The following TTLL8 variants were observed in gnomAD, a reference collection of about 807,000 sequenced individuals.
The protein encoded by TTLL8 is protein monoglycylase TTLL8.
Under a neutral mutation model 77.8 loss-of-function variants are expected in TTLL8, and 65 were observed. The ratio of observed to expected loss-of-function variants is 0.84; its 90% CI spans 0.68 to 1.03. The LOEUF (loss-of-function observed/expected upper bound fraction) is 1.03, where lower values mean the gene tolerates loss of function less well. Among genes scored for constraint, TTLL8 ranks in the 50% least tolerant of loss-of-function variants. The pLI, the probability that TTLL8 is intolerant of heterozygous loss-of-function variation, is 0.00. For missense variants in TTLL8, 910 were observed against 1,004.5 expected, an observed-to-expected ratio of 0.91 and a Z score of 1.27; for synonymous variants, 402 against 422.8, an observed-to-expected ratio of 0.95 and a Z score of 0.60.
At chr22:50,030,236 C>T in intron 12 of TTLL8, 194 bp downstream of exon 13, 1 of 985,362 alleles carries the variant, frequency 1.0e-6, no homozygotes, top group Admixed American at 6.1e-5. Flanking sequence ...CCGAGACCCC[C>T]GTGCCGGGCT....
chr22:50,047,082 C>G, intron 4 of TTLL8, 86 bp downstream of exon 6: 1 of 1,300,442 alleles, frequency 7.7e-7, no homozygotes, highest in African/African-American at 1.5e-5. Flanking sequence ...GGCCACTGAC[C>G]AGCCACCGAG....
upstream of TTLL8, chr22:50,056,909 C>T (rs187721673): frequency 2.8e-5 from 36 of 1,289,726 alleles, no homozygotes; most frequent in Non-Finnish European, 3.3e-5. The surrounding 1 kb of genome is among the most constrained non-coding windows in gnomAD (Gnocchi z 4.1). Context: ...AAGAAGCCAA[C>T]GATAGCCCCT....
In TTLL8 at chr22:50,041,618, T is replaced by C. The variant is rs375679808; in HGVS notation, c.830+3A>G. 1.3e-4 allele frequency: 170 copies of C among 1,352,276 alleles called. No homozygotes were observed. The highest frequency in any genetic ancestry group is 1.6e-4 in the Non-Finnish European group (161 of 1,014,264). The allele number at this position is 1,352,276 out of a possible 1,614,324, so 83.8% of individuals were successfully genotyped here. The stretch of plus-strand genomic sequence containing the variant: ...ATGTGCCAGGGGCCTGCGTAAGTCT[T>C]ACTGAACGAGGGAGTAGTACTGCTG... On this transcript the variant is annotated splice_donor_region_variant and intron_variant, in intron 7 of 13. Coordinates refer to ENST00000266182, the Ensembl canonical transcript of TTLL8. This position sits in a 1 kb window ranked among gnomAD's most constrained non-coding sequence, Gnocchi z 4.3.
At chr22:50,045,899 G>T (rs2146685306) in exon 5 of TTLL8, 1 of 1,361,440 alleles carries the variant, frequency 7.3e-7, no homozygotes, top group East Asian at 4.6e-5. Context: ...GGCTGTAGCA[G>T]CGTGGGAAGA....
intron 1 of TTLL8, among the ~76,000 whole-genome samples, chr22:50,052,015 TCCCAGCA>T (rs2061446328): frequency 6.6e-6 from 1 of 151,856 alleles, no homozygotes; most frequent in Non-Finnish European, 1.5e-5. Flanking sequence ...TGAGTCTGAG[TCCCAGCA>T]CCCATACGAG....
At chr22:50,031,936 G>A in exon 11 of TTLL8, 1 of 1,366,956 alleles carries the variant, frequency 7.3e-7, no homozygotes. Flanking sequence ...GTGGGCGATG[G>A]CCTTCTTCAT....
chr22:50,039,458 G>A (rs1178607838), intron 8 of TTLL8, among the ~76,000 whole-genome samples: 6 of 152,162 alleles, frequency 3.9e-5, no homozygotes, highest in African/African-American at 1.4e-4. Flanking sequence ...TTCTAAATTT[G>A]AGGAAAAATT....
chr22:50,019,560 GTGAGGACACTCAGCCC>G (rs2061183236), intron 12 of TTLL8, among the ~76,000 whole-genome samples: 1 of 151,932 alleles, frequency 6.6e-6, no homozygotes, highest in Non-Finnish European at 1.5e-5. Flanking sequence ...CTGCCATGTT[GTGAGGACACTCAGCCC>G]TGTGGAAGGT....
intron 5 of TTLL8, 38 bp from the exon 8 acceptor site, chr22:50,045,427 C>T: frequency 7.4e-7 from 1 of 1,357,864 alleles, no homozygotes; most frequent in Non-Finnish European, 9.8e-7. Flanking sequence ...TCTGTCCGAG[C>T]CAGGACTGGG....
At chr22:50,051,016 A>T (rs1281003710) in intron 1 of TTLL8, among the ~76,000 whole-genome samples, 1 of 152,116 alleles carries the variant, frequency 6.6e-6, no homozygotes, top group Admixed American at 6.5e-5. Context: ...CTACACCACC[A>T]GGCCTGGCTA....
intron 12 of TTLL8, among the ~76,000 whole-genome samples, chr22:50,019,200 C>T (rs1267345808): frequency 6.6e-6 from 1 of 152,080 alleles, no homozygotes; most frequent in African/African-American, 2.4e-5. Flanking sequence ...ACACCAGAAA[C>T]AGAGTCTGTA....
In TTLL8 at chr22:50,030,429, C is replaced by T; in HGVS notation, c.2203+1G>A. 7.5e-7 allele frequency: 1 copy of T among 1,328,792 alleles called. No individual in the cohort carries two copies. Among genetic ancestry groups the T allele is most frequent in the Non-Finnish European group, 9.9e-7 (1 of 1,011,388 alleles). The allele number at this position is 1,328,792 out of a possible 1,614,324, so 82.3% of individuals were successfully genotyped here. A position where few individuals can be genotyped will look rare whatever the true frequency, so the allele number is the denominator to read the frequency against. On this transcript the variant is annotated splice_donor_variant, in intron 12 of 13. Coordinates refer to ENST00000266182, the Ensembl canonical transcript of TTLL8. LOFTEE classifies it high-confidence loss of function. ...AGCGCACCGCCGGCGGCGCAGGTTA[C>T]CTTTTCCTCCGGGCGGCGGACGCAG...
At chr22:50,030,739 G>A (rs1431322407) in exon 12 of TTLL8, 9 of 1,326,768 alleles carry the variant, frequency 6.8e-6, no homozygotes, top group Non-Finnish European at 9.0e-6. Context: ...TGGAGAGCTG[G>A]TGATGGGGGT....
intron 8 of TTLL8, among the ~76,000 whole-genome samples, chr22:50,039,932 CGGACCTCAT>C (rs1396565696): frequency 6.8e-6 from 1 of 146,468 alleles, no homozygotes; most frequent in African/African-American, 2.6e-5. Context: ...ACGGACCTCA[CGGACCTCAT>C]GTGTGCCAGC....
At chr22:50,036,570 C>T (rs1383196276) in intron 8 of TTLL8, among the ~76,000 whole-genome samples, 1 of 151,606 alleles carries the variant, frequency 6.6e-6, no homozygotes, top group Non-Finnish European at 1.5e-5. Flanking sequence ...ACAATTGGTG[C>T]TCCTTTGTGT....
chr22:50,047,354 T>G, intron 3 of TTLL8, 58 bp from the exon 6 acceptor site: 1 of 1,337,556 alleles, frequency 7.5e-7, no homozygotes, highest in Non-Finnish European at 1.0e-6. Context: ...CCAGCCAGGA[T>G]GGGATGGAGT....
intron 12 of TTLL8, among the ~76,000 whole-genome samples, chr22:50,028,930 AC>A (rs59303373): frequency 5.5e-4 from 9 of 16,392 alleles, no homozygotes; most frequent in Admixed American, 1.7e-3. Flanking sequence ...CGTCCTGAAG[AC>A]CCCCACACAC....
At chr22:50,022,058 T>G (rs1031496095) in intron 12 of TTLL8, among the ~76,000 whole-genome samples, 3 of 144,668 alleles carry the variant, frequency 2.1e-5, no homozygotes, top group Admixed American at 6.9e-5. Context: ...TCTGATGATG[T>G]GTACTCCTCC....
chr22:50,034,085 G>C lies in TTLL8; in HGVS notation c.1039+260C>G, dbSNP rs1179605114. Among the ~76,000 whole-genome samples, 1 of 152,176 alleles carries C rather than the reference G, an allele frequency of 6.6e-6. No individual in the cohort carries two copies. The highest frequency in any genetic ancestry group is 2.4e-5 in the African/African-American group (1 of 41,446). On this transcript the variant is annotated intron_variant, in intron 9 of 13. Transcript: ENST00000266182. The surrounding 1 kb of genome is among the most constrained non-coding windows in gnomAD (Gnocchi z 4.1). ...ATAAAAAACTAAAAAGGAAAGCATAGACCAGTTTGTGAATACAAAGGAGGA... is the reference window on the plus strand; with the variant it reads ...ATAAAAAACTAAAAAGGAAAGCATACACCAGTTTGTGAATACAAAGGAGGA...
Sources: gnomAD v4.1 joint callset for allele counts (sites outside exome capture counted in the v4.1 genomes callset) on GRCh38, gnomAD v4.1.1 for gene constraint, Gnocchi (gnomAD v3.1) non-coding constraint, MANE v1.5 for transcripts, NCBI Gene and HGNC (gene_info 2026-07-23, HGNC 2026-07-21) for gene names.